The following PPP2R3A variants were observed in gnomAD, a reference collection of about 807,000 sequenced individuals.
The protein encoded by PPP2R3A is serine/threonine-protein phosphatase 2A regulatory subunit B'' subunit alpha.
In PPP2R3A, 80 loss-of-function variants were observed where a neutral mutation model predicts 106.9. The ratio of observed to expected loss-of-function variants is 0.75; its 90% CI spans 0.62 to 0.90. The LOEUF (loss-of-function observed/expected upper bound fraction) is 0.90. Ranked by LOEUF, PPP2R3A falls within the 40% of genes least tolerant of loss-of-function variation. The probability of loss-of-function intolerance (pLI) is 0.00; values close to 1 mark genes in which losing one functional copy is unlikely to be tolerated. For missense variants in PPP2R3A, 1,386 were observed against 1,350.4 expected, an observed-to-expected ratio of 1.03 and a Z score of -0.41; for synonymous variants, 483 against 468.3, an observed-to-expected ratio of 1.03 and a Z score of -0.41.
chr3:136,118,932 A>C (rs1937885273), intron 13 of PPP2R3A, among the ~76,000 whole-genome samples: 1 of 152,212 alleles, frequency 6.6e-6, no homozygotes, highest in Admixed American at 6.5e-5. Flanking sequence ...AAGCAAAAAG[A>C]ACAAAGCAGG....
At chr3:136,035,630 AG>A (rs1287712529) in intron 3 of PPP2R3A, among the ~76,000 whole-genome samples, 1 of 152,168 alleles carries the variant, frequency 6.6e-6, no homozygotes, top group Non-Finnish European at 1.5e-5. Context: ...TAGGTTACGT[AG>A]TACTTTGGTG....
intron 2 of PPP2R3A, among the ~76,000 whole-genome samples, chr3:136,012,446 A>C (rs1157454903): frequency 1.3e-5 from 2 of 152,202 alleles, no homozygotes; most frequent in East Asian, 3.8e-4. Context: ...GGAGCAAGAC[A>C]CAAAAATGCT....
intron 8 of PPP2R3A, among the ~76,000 whole-genome samples, chr3:136,085,113 T>G (rs1283484429): frequency 6.6e-6 from 1 of 152,150 alleles, no homozygotes; most frequent in Non-Finnish European, 1.5e-5. Context: ...TGGAACAATA[T>G]GGTTTGGCTG....
chr3:136,078,996 C>G (rs927187735), intron 7 of PPP2R3A, among the ~76,000 whole-genome samples: 2 of 152,132 alleles, frequency 1.3e-5, no homozygotes, highest in South Asian at 4.1e-4. Context: ...AATCTTCATG[C>G]CTGATTGTTT....
chr3:135,972,155 C>A (rs1330869190), intron 1 of PPP2R3A, among the ~76,000 whole-genome samples: 1 of 152,182 alleles, frequency 6.6e-6, no homozygotes, highest in Non-Finnish European at 1.5e-5. Flanking sequence ...CCGTCTGGCA[C>A]CCGCCAATTT....
At chr3:136,127,130 C>T (rs989718799) in intron 13 of PPP2R3A, among the ~76,000 whole-genome samples, 4 of 152,190 alleles carry the variant, frequency 2.6e-5, no homozygotes, top group Non-Finnish European at 4.4e-5. Flanking sequence ...CACAGCTTCT[C>T]GCCAGCAACG....
intron 2 of PPP2R3A, among the ~76,000 whole-genome samples, chr3:136,004,234 C>G (rs1933763400): frequency 6.6e-6 from 1 of 152,220 alleles, no homozygotes; most frequent in Non-Finnish European, 1.5e-5. Context: ...AGGCAGTTGT[C>G]TTCCCATTTT....
chr3:135,978,737 G>A (rs571582729), intron 1 of PPP2R3A, among the ~76,000 whole-genome samples: 7 of 151,898 alleles, frequency 4.6e-5, no homozygotes, highest in South Asian at 2.1e-4. Flanking sequence ...TTATAAGCTC[G>A]AAAATGTAAG....
chr3:136,029,738 C>T (rs1458315186), intron 3 of PPP2R3A, among the ~76,000 whole-genome samples: 1 of 152,120 alleles, frequency 6.6e-6, no homozygotes, highest in Non-Finnish European at 1.5e-5. Flanking sequence ...GTGCAATAGC[C>T]ATTATACATA....
intron 5 of PPP2R3A, among the ~76,000 whole-genome samples, chr3:136,069,351 T>C (rs1936358379): frequency 6.6e-6 from 1 of 151,634 alleles, no homozygotes; most frequent in Non-Finnish European, 1.5e-5. Context: ...CCTAGGGGAG[T>C]GGATCACTTG....
At chr3:136,116,982 T>A (rs536686177) in intron 13 of PPP2R3A, among the ~76,000 whole-genome samples, 1 of 152,290 alleles carries the variant, frequency 6.6e-6, no homozygotes, top group South Asian at 2.1e-4. Flanking sequence ...GACCACATAA[T>A]TGGAAGTAAA....
chr3:135,983,837 T>C (rs1247505467), intron 1 of PPP2R3A, among the ~76,000 whole-genome samples: 1 of 152,238 alleles, frequency 6.6e-6, no homozygotes, highest in Admixed American at 6.5e-5. Context: ...TAAGTATACT[T>C]ACAAAGTTTG....
chr3:135,986,281 G>A (rs1323758517), intron 1 of PPP2R3A, among the ~76,000 whole-genome samples: 1 of 152,054 alleles, frequency 6.6e-6, no homozygotes, highest in Non-Finnish European at 1.5e-5. Flanking sequence ...GTTTTCAGGA[G>A]GTAGAAGGGG....
intron 2 of PPP2R3A, among the ~76,000 whole-genome samples, chr3:136,023,504 C>T (rs978139400): frequency 6.6e-6 from 1 of 152,054 alleles, no homozygotes; most frequent in African/African-American, 2.4e-5. Context: ...GAACATTTTA[C>T]AATTTAGGTA....
intron 13 of PPP2R3A, among the ~76,000 whole-genome samples, chr3:136,111,994 CA>C (rs1937599085): frequency 6.6e-6 from 1 of 151,980 alleles, no homozygotes; most frequent in Admixed American, 6.6e-5. Context: ...TCAACATATG[CA>C]AACCAATAAA....
chr3:136,065,087 G>A (rs376662350), intron 5 of PPP2R3A, among the ~76,000 whole-genome samples: 2 of 152,128 alleles, frequency 1.3e-5, no homozygotes, highest in African/African-American at 4.8e-5. Context: ...TATGATGAAT[G>A]AAAATTAGAT....
At position 136,145,597 on chromosome 3, in the gene PPP2R3A, AAGT is replaced by A. The variant is rs1054588471; in HGVS notation, c.*436_*438del. 9 of 153,302 alleles carry A rather than the reference AAGT, an allele frequency of 5.9e-5. No individual in the cohort carries two copies. Among genetic ancestry groups the A allele is most frequent in the African/African-American group, 1.9e-4 (8 of 41,580 alleles). 9.5% of individuals were successfully genotyped at this position (153,302 alleles called of 1,614,324 possible). A position where few individuals can be genotyped will look rare whatever the true frequency, so the allele number is the denominator to read the frequency against. ...AGTCAGAAAATTCTGGAACTTGAAA[AAGT>A]AGTAAGGGCCTCCAGAATTGACTTA... On this transcript the variant is annotated 3_prime_UTR_variant, in exon 14 of 14. Transcript: ENST00000264977.
At chr3:136,087,496 T>G (rs2107940225) in intron 8 of PPP2R3A, 1 of 157,540 alleles carries the variant, frequency 6.3e-6, no homozygotes, top group African/African-American at 2.4e-5. Context: ...AACTTCGTTT[T>G]GTTTTATTTT....
chr3:135,993,142 T>A (rs1489477178), intron 1 of PPP2R3A, among the ~76,000 whole-genome samples: 2 of 152,114 alleles, frequency 1.3e-5, no homozygotes, highest in Non-Finnish European at 2.9e-5. Context: ...CAAAAGCCAC[T>A]GCTAAGAAAA....
Sources: allele counts gnomAD v4.1 joint callset (sites outside exome capture counted in the v4.1 genomes callset), GRCh38; gene constraint gnomAD v4.1.1; transcripts MANE v1.5; gene names NCBI Gene and HGNC (gene_info 2026-07-23, HGNC 2026-07-21).